Variants in NBEAL1 observed in about 807,000 individuals in gnomAD.
The protein encoded by NBEAL1 is neurobeachin like 1.
In NBEAL1, 273 loss-of-function variants were observed where a neutral mutation model predicts 351.3. The ratio of observed to expected loss-of-function variants is 0.78; its 90% CI spans 0.70 to 0.86. The LOEUF (loss-of-function observed/expected upper bound fraction) is 0.86. Among genes scored for constraint, NBEAL1 ranks in the 40% least tolerant of loss-of-function variants. NBEAL1 has a pLI of 0.00. For synonymous variants in NBEAL1, 1,050 were observed against 1,086.4 expected, an observed-to-expected ratio of 0.97 and a Z score of 0.66; for missense variants, 2,961 against 3,201.3, an observed-to-expected ratio of 0.92 and a Z score of 1.81.
intron 6 of NBEAL1, among the ~76,000 whole-genome samples, chr2:203,059,550 C>T (rs2061461498): frequency 6.6e-6 from 1 of 152,202 alleles, no homozygotes; most frequent in African/African-American, 2.4e-5. Context: ...TGCTACATGA[C>T]ACATGTCATT....
Position 203,223,543 on chromosome 2 carries a change from T to C in NBEAL1, c.*6189T>C, listed in dbSNP as rs765482327. Among the ~76,000 whole-genome samples, 2 of 152,038 alleles carry C rather than the reference T, an allele frequency of 1.3e-5. No individual in the cohort carries two copies. The highest frequency in any genetic ancestry group is 1.3e-4 in the Admixed American group (2 of 15,254). On this transcript the variant is annotated 3_prime_UTR_variant, in exon 56 of 56. Coordinates refer to ENST00000683969, the MANE Select transcript of NBEAL1 (RefSeq NM_001378026.1). ...CTTGTAATGCTGTTACAATGTAGCATTGTAATGTAAGATGAAGAAAAATTA... is the reference window on the plus strand; with the variant it reads ...CTTGTAATGCTGTTACAATGTAGCACTGTAATGTAAGATGAAGAAAAATTA...
chr2:203,192,965 T>C (rs76312134), intron 46 of NBEAL1, among the ~76,000 whole-genome samples: 9,784 of 102,602 alleles, frequency 0.095, 578 homozygotes, highest in Non-Finnish European at 0.13. Flanking sequence ...CTTTCTTTCT[T>C]TTTTTTTTTT....
rs115346571 is a variant in NBEAL1, at chr2:203,072,414, T to G, written c.598+3939T>G. ...AACAAGCTTTCTTGTTTGTTTGTTT[T>G]TTTTTTTTTAAATTTGGATAGACTG... On this transcript the variant is annotated intron_variant, in intron 7 of 55. Coordinates refer to ENST00000683969, the MANE Select transcript of NBEAL1 (RefSeq NM_001378026.1). Among the ~76,000 whole-genome samples the G allele has an allele frequency of 4.3e-3, 653 of 152,148 alleles. 3 individuals are homozygous for G. Among genetic ancestry groups the G allele is most frequent in the African/African-American group, 8.6e-3 (356 of 41,528 alleles).
At chr2:203,024,186 ACT>A (rs1228310797) in intron 2 of NBEAL1, among the ~76,000 whole-genome samples, 1 of 148,300 alleles carries the variant, frequency 6.7e-6, no homozygotes, top group Non-Finnish European at 1.5e-5. Context: ...ACAGAGTAAG[ACT>A]CTTTCTCACA....
Position 203,099,612 on chromosome 2 carries a change from C to T in NBEAL1, c.1186-17C>T. 1 of 1,499,646 alleles carries T rather than the reference C, an allele frequency of 6.7e-7. No individual in the cohort carries two copies. Among genetic ancestry groups the T allele is most frequent in the Admixed American group, 2.3e-5 (1 of 43,720 alleles). The allele number at this position is 1,499,646 out of a possible 1,614,324, so 92.9% of individuals were successfully genotyped here. A position where few individuals can be genotyped will look rare whatever the true frequency, so the allele number is the denominator to read the frequency against. On this transcript the variant is annotated splice_polypyrimidine_tract_variant and intron_variant, in intron 11 of 55. Transcript: ENST00000683969. The stretch of plus-strand genomic sequence containing the variant: ...AGCACATTTGTTAATTTCTTGTTTC[C>T]CCTTCCCCCTCAATAGGTGTTTCAG...
intron 16 of NBEAL1, 67 bp from the exon 17 acceptor site, chr2:203,112,948 G>A: frequency 1.5e-6 from 2 of 1,296,562 alleles, no homozygotes; most frequent in Admixed American, 3.5e-5. Flanking sequence ...ATTTTATTGT[G>A]TAATTTTATG....
intron 36 of NBEAL1, 25 bp from the exon 37 acceptor site, chr2:203,166,124 G>A (rs1343713848): frequency 2.0e-6 from 3 of 1,524,266 alleles, no homozygotes; most frequent in South Asian, 1.3e-5. Flanking sequence ...GAATTTTTCT[G>A]TTTATTGGCT....
chr2:203,209,713 ATGTGTGTGTGTGTGTG>A (rs56169732), intron 53 of NBEAL1, among the ~76,000 whole-genome samples: 1 of 138,576 alleles, frequency 7.2e-6, no homozygotes, highest in Non-Finnish European at 1.5e-5. Context: ...TTTAATTAAT[ATGTGTGTGTGTGTGTG>A]TGTGTGTGTG....
intron 46 of NBEAL1, chr2:203,191,319 G>GAAAAAA: frequency 5.1e-6 from 2 of 391,074 alleles, no homozygotes; most frequent in South Asian, 5.2e-5. Context: ...TTTGACAACT[G>GAAAAAA]AAAAAAAAAA....
chr2:203,096,831 T>C (rs1462670836), intron 10 of NBEAL1, among the ~76,000 whole-genome samples: 2 of 152,226 alleles, frequency 1.3e-5, no homozygotes, highest in African/African-American at 4.8e-5. Flanking sequence ...AAAGTTAGTT[T>C]GATAGCACTT....
At chr2:203,199,575 T>G (rs982938129) in intron 49 of NBEAL1, 128 bp downstream of exon 49, 15 of 547,460 alleles carry the variant, frequency 2.7e-5, no homozygotes, top group African/African-American at 3.9e-5. Flanking sequence ...GACAGAGTCT[T>G]GCTCTGCGGT....
intron 36 of NBEAL1, among the ~76,000 whole-genome samples, chr2:203,158,264 C>G (rs1332825596): frequency 6.6e-6 from 1 of 152,102 alleles, no homozygotes; most frequent in Non-Finnish European, 1.5e-5. Context: ...ACATAAACCT[C>G]TAGCCAGACT....
intron 2 of NBEAL1, chr2:203,040,655 T>C: frequency 1.5e-6 from 1 of 652,782 alleles, no homozygotes; most frequent in South Asian, 1.4e-5. Context: ...TTTGGTGACA[T>C]TTGCTTGGAA....
chr2:203,050,092 A>G (rs1253959061), intron 4 of NBEAL1, 117 bp downstream of exon 4: 14 of 910,234 alleles, frequency 1.5e-5, no homozygotes, highest in Admixed American at 7.7e-5. Context: ...GTAGGGTGCT[A>G]GGAGAGGGAT....
chr2:203,054,441 A>T (rs1486045987), intron 4 of NBEAL1, among the ~76,000 whole-genome samples: 88 of 149,078 alleles, frequency 5.9e-4, no homozygotes, highest in East Asian at 3.9e-3. Context: ...AAAAAAAAAA[A>T]TTTTTTTTTT....
chr2:203,060,408 C>T (rs2061479563), intron 6 of NBEAL1, among the ~76,000 whole-genome samples: 1 of 152,080 alleles, frequency 6.6e-6, no homozygotes, highest in Non-Finnish European at 1.5e-5. Flanking sequence ...CAAAACTTGC[C>T]ACATGAGGCC....
intron 8 of NBEAL1, among the ~76,000 whole-genome samples, chr2:203,078,300 G>A (rs1390989345): frequency 2.0e-5 from 3 of 151,888 alleles, no homozygotes; most frequent in Non-Finnish European, 2.9e-5. Context: ...AGAATTTCTA[G>A]TATTTTTTTA....
At chr2:203,034,850 T>TG (rs35043002) in intron 2 of NBEAL1, among the ~76,000 whole-genome samples, 3,107 of 148,972 alleles carry the variant, frequency 0.021, 309 homozygotes, top group East Asian at 0.053. Flanking sequence ...AATGTTTCTG[T>TG]GGGGGGAATT....
At chr2:203,163,907 CCCTT>C (rs2064048240) in intron 36 of NBEAL1, among the ~76,000 whole-genome samples, 1 of 151,842 alleles carries the variant, frequency 6.6e-6, no homozygotes, top group African/African-American at 2.4e-5. Flanking sequence ...TGTTTGGTGA[CCCTT>C]CCTTTGTGAA....
Sources: gnomAD v4.1 joint callset for allele counts (sites outside exome capture counted in the v4.1 genomes callset) on GRCh38, gnomAD v4.1.1 for gene constraint, MANE v1.5 for transcripts, NCBI Gene and HGNC (gene_info 2026-07-23, HGNC 2026-07-21) for gene names.